DTNA: variants seen among roughly 807,000 people sequenced by gnomAD.
DTNA encodes dystrobrevin alpha.
DTNA carries 43 observed loss-of-function variants against 100.7 expected under a neutral mutation model. The ratio of observed to expected loss-of-function variants is 0.43; its 90% CI spans 0.33 to 0.55. DTNA has a LOEUF of 0.55. Ranked by LOEUF, DTNA falls within the 20% of genes least tolerant of loss-of-function variation. The probability of loss-of-function intolerance (pLI) is 0.04; values close to 1 mark genes in which losing one functional copy is unlikely to be tolerated. For missense variants in DTNA, 798 were observed against 953.9 expected, an observed-to-expected ratio of 0.84 and a Z score of 2.15; for synonymous variants, 349 against 347.9, an observed-to-expected ratio of 1.00 and a Z score of -0.04.
chr18:34,665,895 G>A (rs923421824), intron 1 of DTNA, among the ~76,000 whole-genome samples: 1 of 152,152 alleles, frequency 6.6e-6, no homozygotes, highest in African/African-American at 2.4e-5. Context: ...GTGTGCATGT[G>A]TCTTTATAGC....
At position 34,503,279 on chromosome 18, in the gene DTNA, A is replaced by ATT. The variant is rs869258771; in HGVS notation, c.-2+9790_-2+9791dup. On this transcript the variant is annotated intron_variant, in intron 1 of 19. Coordinates refer to the DTNA transcript ENST00000283365. ...CTTGTAGATAAAATATAATTGGCTC[A>ATT]TTTTTTTTTTTTTTTTTTTTTTTTT... Among the ~76,000 whole-genome samples, 82 of 62,100 alleles carry ATT rather than the reference A, an allele frequency of 1.3e-3. 9 individuals are homozygous for ATT. The highest frequency in any genetic ancestry group is 4.1e-3 in the African/African-American group (61 of 15,002). 40.7% of individuals were successfully genotyped at this position (62,100 alleles called of 152,430 possible).
At chr18:34,550,381 G>A (rs1023851789) in intron 1 of DTNA, among the ~76,000 whole-genome samples, 7 of 152,114 alleles carry the variant, frequency 4.6e-5, no homozygotes, top group African/African-American at 1.4e-4. Flanking sequence ...GGATCTATAT[G>A]CAGTGCTAAA....
intron 1 of DTNA, among the ~76,000 whole-genome samples, chr18:34,596,263 G>A (rs1325095807): frequency 6.6e-6 from 1 of 152,164 alleles, no homozygotes; most frequent in Admixed American, 6.5e-5. Flanking sequence ...AGGCTAGAGT[G>A]CAGTGACATG....
intron 3 of DTNA, among the ~76,000 whole-genome samples, chr18:34,792,023 T>A (rs1330736029): frequency 5.3e-5 from 8 of 152,146 alleles, no homozygotes; most frequent in Non-Finnish European, 2.9e-5. Flanking sequence ...AAACATTATT[T>A]TGAGTAATTG....
At chr18:34,592,752 T>A (rs2049884068) in intron 1 of DTNA, among the ~76,000 whole-genome samples, 1 of 152,156 alleles carries the variant, frequency 6.6e-6, no homozygotes, top group Admixed American at 6.6e-5. Context: ...CTAAGACTCA[T>A]TCAACTTTTA....
intron 1 of DTNA, among the ~76,000 whole-genome samples, chr18:34,578,186 A>T (rs944507815): frequency 6.6e-6 from 1 of 151,898 alleles, no homozygotes; most frequent in East Asian, 1.9e-4. Flanking sequence ...GTAAGGTGGT[A>T]TCGCATTTTG....
At chr18:34,583,859 C>A (rs553158679) in intron 1 of DTNA, among the ~76,000 whole-genome samples, 7 of 152,252 alleles carry the variant, frequency 4.6e-5, no homozygotes, top group South Asian at 4.2e-4. Context: ...CTGACAGCTA[C>A]CCCTCTCTCA....
rs1221666735 is a variant in DTNA at position 34,794,160 on chromosome 18, A to G, written c.272A>G (p.Gln91Arg). The G allele has an allele frequency of 1.2e-6, 2 of 1,614,164 alleles. No homozygotes were observed. Among genetic ancestry groups the G allele is most frequent in the South Asian group, 1.1e-5 (1 of 91,082 alleles). ...GCTGTGCTCTCCACTATTTTTTACC[A>G]GCTCAACAAACGGATGCCAACCACT... ...LEAVLSTIFY[Q>R]LNKRMPTTHQ... Residue 91 changes from glutamine to arginine, a missense_variant, in exon 4 of 23, where the codon CAG becomes CGG. Physicochemically the swap from Gln to Arg is conservative, Grantham distance 43 (BLOSUM62 1). Coordinates refer to ENST00000444659, the MANE Select transcript of DTNA (RefSeq NM_001386795.1).
At chr18:34,787,312 C>T (rs1165027183) in intron 3 of DTNA, among the ~76,000 whole-genome samples, 1 of 152,130 alleles carries the variant, frequency 6.6e-6, no homozygotes, top group Admixed American at 6.6e-5. Context: ...CCCTTTTCCA[C>T]TCTTTTATAT....
chr18:34,804,056 C>G (rs1484496477), intron 4 of DTNA, among the ~76,000 whole-genome samples: 1 of 152,152 alleles, frequency 6.6e-6, no homozygotes, highest in Non-Finnish European at 1.5e-5. Context: ...TTCATTGTGA[C>G]AGATGCCACA....
Position 34,882,158 on chromosome 18 carries a change from TGGA to T in DTNA, c.2256_2258del (p.Glu753del). 6.2e-7 allele frequency: 1 copy of T among 1,614,036 alleles called. No homozygotes were observed. The highest frequency in any genetic ancestry group is 1.1e-5 in the South Asian group (1 of 91,076). ...CGGCAGCTGGAGAATGAGCTCCAGA[TGGA>T]GGAATACCTGAAACAGAAGCTGCAA... On this transcript the variant is annotated inframe_deletion, in exon 21 of 23. Transcript: ENST00000444659.
upstream of DTNA, among the ~76,000 whole-genome samples, chr18:34,707,824 G>A (rs143428363): frequency 0.011 from 1,710 of 152,178 alleles, 23 homozygotes; most frequent in African/African-American, 0.036. Flanking sequence ...CTAATTTTCC[G>A]GTGTAGCTGC....
intron 1 of DTNA, among the ~76,000 whole-genome samples, chr18:34,743,648 C>T (rs545542793): frequency 1.4e-4 from 22 of 152,102 alleles, no homozygotes; most frequent in Non-Finnish European, 2.9e-4. Context: ...CAAAATAGCT[C>T]CTTCTGCAAC....
At chr18:34,561,102 G>A (rs2046593861) in intron 1 of DTNA, among the ~76,000 whole-genome samples, 1 of 152,122 alleles carries the variant, frequency 6.6e-6, no homozygotes, top group Non-Finnish European at 1.5e-5. Flanking sequence ...GATGGCATTT[G>A]ATAGTGAAGA....
rs923417573 is a variant in DTNA, at chr18:34,687,953, T to C, written c.-1-68023T>C. Among the ~76,000 whole-genome samples the C allele has an allele frequency of 2.0e-5, 3 of 152,200 alleles. No homozygotes were observed. The East Asian group carries it at 5.8e-4, about 29-fold the overall frequency. Reference sequence around the variant, plus strand: ...AAGTCTGTTTTATCAGAGACGAGGATTGCAACTTCTGCTTTTTTTTTTCTT... The same window carrying C: ...AAGTCTGTTTTATCAGAGACGAGGACTGCAACTTCTGCTTTTTTTTTTCTT... On this transcript the variant is annotated intron_variant, in intron 1 of 19. Coordinates refer to the DTNA transcript ENST00000283365.
chr18:34,866,640 C>A, intron 17 of DTNA: 1 of 1,010,620 alleles, frequency 9.9e-7, no homozygotes, highest in Non-Finnish European at 1.2e-6. Context: ...AATTAAATCC[C>A]TTTTCATCAC....
intron 1 of DTNA, among the ~76,000 whole-genome samples, chr18:34,554,930 G>A (rs1233594979): frequency 6.8e-6 from 1 of 146,738 alleles, no homozygotes; most frequent in Non-Finnish European, 1.5e-5. Context: ...CTATTGATTG[G>A]AATAGTTTCA....
Position 34,829,442 on chromosome 18 carries a change from G to A in DTNA, c.1128G>A (p.Glu376=). 3 of 1,534,636 alleles carry A rather than the reference G, an allele frequency of 2.0e-6. No individual in the cohort carries two copies. The highest frequency in any genetic ancestry group is 2.6e-6 in the Non-Finnish European group (3 of 1,146,206). The stretch of plus-strand genomic sequence containing the variant: ...GTGCATCCAGCCCTGTGGCTGAAGA[G>A]CATTCCCTCATAAAGCTGTACGTAA... ...GISASSPVAE[E]HSLIKLYVNQ... The change falls in exon 11 of 23, where the codon GAG becomes GAA. Residue 376 remains glutamate, a synonymous_variant. Transcript: ENST00000444659.
At chr18:34,827,736 G>T in intron 10 of DTNA, 60 bp downstream of exon 10, 1 of 1,533,412 alleles carries the variant, frequency 6.5e-7, no homozygotes, top group Non-Finnish European at 9.0e-7. Flanking sequence ...TTGATTCTGT[G>T]GTAAGAAAAA....
Sources: allele counts gnomAD v4.1 joint callset (sites outside exome capture counted in the v4.1 genomes callset), GRCh38; gene constraint gnomAD v4.1.1; transcripts MANE v1.5; gene names NCBI Gene and HGNC (gene_info 2026-07-23, HGNC 2026-07-21).